Variants in STXBP5 observed in about 807,000 individuals in gnomAD.
The protein encoded by STXBP5 is syntaxin binding protein 5.
In STXBP5, 50 loss-of-function variants were observed where a neutral mutation model predicts 152.4. That is an observed-to-expected ratio of 0.33 (90% confidence interval 0.26 to 0.42). The LOEUF (loss-of-function observed/expected upper bound fraction) is 0.42. Ranked by LOEUF, STXBP5 falls within the 10% of genes least tolerant of loss-of-function variation. The pLI is 1.00. For synonymous variants in STXBP5, 492 were observed against 494.7 expected (o/e 0.99, Z 0.07); for missense variants, 1,167 against 1,388.6 (o/e 0.84, Z 2.54).
intron 25 of STXBP5, among the ~76,000 whole-genome samples, chr6:147,369,770 A>C (rs1785458086): frequency 1.3e-5 from 2 of 152,114 alleles, no homozygotes; most frequent in African/African-American, 4.8e-5. Flanking sequence ...GAAATTAAAA[A>C]GAATACCATG....
intron 21 of STXBP5, among the ~76,000 whole-genome samples, chr6:147,349,643 C>G (rs1784501907): frequency 6.6e-6 from 1 of 152,158 alleles, no homozygotes; most frequent in Non-Finnish European, 1.5e-5. Flanking sequence ...ATCCCATGTA[C>G]TCCAGTTGAC....
At chr6:147,210,545 G>C (rs942814880) in intron 2 of STXBP5, among the ~76,000 whole-genome samples, 5 of 152,122 alleles carry the variant, frequency 3.3e-5, no homozygotes, top group African/African-American at 4.8e-5. Context: ...CTGTGGGTTT[G>C]TCCAGCACAT....
chr6:147,204,673 G>T lies in STXBP5; in HGVS notation c.141G>T (p.Gln47His). 6.3e-7 allele frequency: 1 copy of T among 1,595,940 alleles called. No homozygotes were observed. Among genetic ancestry groups the T allele is most frequent in the African/African-American group, 1.4e-5 (1 of 74,016 alleles). Residue 47 changes from glutamine to histidine, a missense_variant, in exon 1 of 28, where the codon CAG (glutamine) becomes CAT (histidine). Gln to His is a conservative substitution (Grantham distance 24, BLOSUM62 0). Around this residue, in one of 3 missense-constraint regions of STXBP5, gnomAD observed 310 missense variants for 346.1 expected, o/e 0.90. Coordinates refer to ENST00000321680, the MANE Select transcript of STXBP5 (RefSeq NM_001127715.4). The surrounding 1 kb of genome is among the most constrained non-coding windows in gnomAD (Gnocchi z 4.3). Reference protein sequence around the residue: ...IQETLQSEHFQLCKTVRHGFP... With the variant: ...IQETLQSEHFHLCKTVRHGFP... ...AAACGCTCCAGTCCGAGCACTTTCA[G>T]CTCTGCAAGGTGAACGGAGCGCGCA...
chr6:147,330,452 C>T (rs1369735975), intron 18 of STXBP5, among the ~76,000 whole-genome samples: 4 of 151,852 alleles, frequency 2.6e-5, no homozygotes, highest in Admixed American at 6.6e-5. Context: ...TGAGGCAGAC[C>T]AAGCAATAAT....
At chr6:147,340,445 G>A (rs1211609245) in intron 21 of STXBP5, among the ~76,000 whole-genome samples, 1 of 151,848 alleles carries the variant, frequency 6.6e-6, no homozygotes. Context: ...TATTTGTGGG[G>A]TTTTAGTGAC....
At position 147,339,225 on chromosome 6, in the gene STXBP5, T is replaced by C; in HGVS notation, c.2193T>C (p.Asn731=). The change falls in exon 20 of 28, where the codon AAT becomes AAC. Residue 731 remains asparagine (N), a synonymous_variant. Coordinates refer to ENST00000321680, the MANE Select transcript of STXBP5 (RefSeq NM_001127715.4). ...CAGATGATGAACAAAAAATGAATAATTTTATAGAAAAGGGTATAGTATCTT... is the reference window on the plus strand; with the variant it reads ...CAGATGATGAACAAAAAATGAATAACTTTATAGAAAAGGGTATAGTATCTT... The part of the protein sequence containing the change: ...HNSDDEQKMN[N]FIEKVKTKSR... 1.3e-6 allele frequency: 2 copies of C among 1,538,464 alleles called. No homozygotes were observed. The highest frequency in any genetic ancestry group is 1.8e-6 in the Non-Finnish European group (2 of 1,142,548).
chr6:147,347,019 A>T lies in STXBP5; in HGVS notation c.2255-6304A>T, dbSNP rs576547885. ...AGTATCAGAACCTAAGGAGGCAGAG[A>T]GTGGAATTCTGGGTTGCTGGCATGA... On this transcript the variant is annotated intron_variant, in intron 21 of 27. Transcript: ENST00000321680. Among the ~76,000 whole-genome samples the T allele has an allele frequency of 4.9e-4, 75 of 152,240 alleles. 1 individual carries two copies. In the South Asian group the frequency reaches 5.2e-3, roughly 11 times the overall value.
At chr6:147,311,103 A>G (rs1782353527) in intron 10 of STXBP5, among the ~76,000 whole-genome samples, 1 of 152,180 alleles carries the variant, frequency 6.6e-6, no homozygotes, top group Non-Finnish European at 1.5e-5. Context: ...CAAGAAAGAT[A>G]GTATTATAGT....
At chr6:147,220,274 G>T (rs1318276250) in intron 2 of STXBP5, among the ~76,000 whole-genome samples, 1 of 152,004 alleles carries the variant, frequency 6.6e-6, no homozygotes, top group Non-Finnish European at 1.5e-5. Context: ...ATTTTTTGAG[G>T]TATATTTTAT....
chr6:147,390,008 A>T lies in STXBP5; in HGVS notation c.*5253A>T, dbSNP rs1241138138. On this transcript the variant is annotated 3_prime_UTR_variant, in exon 28 of 28. Coordinates refer to ENST00000321680, the MANE Select transcript of STXBP5 (RefSeq NM_001127715.4). Reference sequence around the variant, plus strand: ...AGATTAAGTTTTTCTAACATTGTCCACTTCAGGGGCAAGCATGCTTGGTAT... The same window carrying T: ...AGATTAAGTTTTTCTAACATTGTCCTCTTCAGGGGCAAGCATGCTTGGTAT... The T allele has an allele frequency of 6.6e-6, 1 of 151,926 alleles. No homozygotes were observed. The highest frequency in any genetic ancestry group is 1.5e-5 in the Non-Finnish European group (1 of 67,906). The allele number at this position is 151,926 out of a possible 1,614,324, so 9.4% of individuals were successfully genotyped here.
intron 16 of STXBP5, among the ~76,000 whole-genome samples, chr6:147,324,461 C>A (rs1178013889): frequency 6.6e-6 from 1 of 151,728 alleles, no homozygotes; most frequent in African/African-American, 2.4e-5. Context: ...TTGGTAGAGA[C>A]AGAGTTTCAC....
intron 19 of STXBP5, among the ~76,000 whole-genome samples, chr6:147,337,214 C>CACACACACACAA (rs150169446): frequency 5.2e-4 from 76 of 147,386 alleles, no homozygotes; most frequent in African/African-American, 1.4e-3. Context: ...CACACACACA[C>CACACACACACAA]AAGAAGTCAT....
rs1331837580 is a variant in STXBP5 at position 147,386,174 on chromosome 6, TAAAGC to T, written c.*1422_*1426del. 1.3e-5 allele frequency: 2 copies of T among 151,974 alleles called. No individual in the cohort carries two copies. The highest frequency in any genetic ancestry group is 2.9e-5 in the Non-Finnish European group (2 of 67,912). 9.4% of individuals were successfully genotyped at this position (151,974 alleles called of 1,614,324 possible). Reference sequence around the variant, plus strand: ...ATCTGAGATTATTATTGATTGTTGTTAAAGCAACCCAGCAAAAGCAAAATGGAAGC... The same window carrying T: ...ATCTGAGATTATTATTGATTGTTGTTAACCCAGCAAAAGCAAAATGGAAGC... On this transcript the variant is annotated 3_prime_UTR_variant, in exon 28 of 28. Transcript: ENST00000321680.
intron 2 of STXBP5, among the ~76,000 whole-genome samples, chr6:147,213,477 T>TGTGTGTGTGTGCGTGCGCGCGCGCGCGC: frequency 7.6e-6 from 1 of 131,278 alleles, no homozygotes; most frequent in African/African-American, 3.2e-5. Context: ...TGTGTGTGTG[T>TGTGTGTGTGTGCGTGCGCGCGCGCGCGC]GCGCGCGCAT....
intron 22 of STXBP5, among the ~76,000 whole-genome samples, chr6:147,353,983 TAAAAG>T (rs1293797244): frequency 1.3e-5 from 2 of 152,164 alleles, no homozygotes; most frequent in African/African-American, 4.8e-5. Flanking sequence ...TCAAAAAAGA[TAAAAG>T]TAAGATTTCA....
At chr6:147,262,194 T>C in intron 5 of STXBP5, 96 bp from the exon 6 acceptor site, 4 of 737,918 alleles carry the variant, frequency 5.4e-6, no homozygotes, top group South Asian at 3.8e-5. Flanking sequence ...TTTATAAATA[T>C]AACTTATTTT....
rs1776691079 is a variant in STXBP5, at chr6:147,208,623, C to T, written c.248+2555C>T. On this transcript the variant is annotated intron_variant, in intron 2 of 27. Coordinates refer to ENST00000321680, the MANE Select transcript of STXBP5 (RefSeq NM_001127715.4). ...GTTATCCTAAAAGATATCATTAGAG[C>T]AGAAAATAGACTTCTAGATAAAGTA... Among the ~76,000 whole-genome samples, 2 of 152,042 alleles carry T rather than the reference C, an allele frequency of 1.3e-5. 1 individual carries two copies. Among genetic ancestry groups the T allele is most frequent in the Non-Finnish European group, 2.9e-5 (2 of 67,944 alleles).
At chr6:147,255,469 G>GTCTACT (rs1306013089) in intron 4 of STXBP5, among the ~76,000 whole-genome samples, 3 of 151,870 alleles carry the variant, frequency 2.0e-5, no homozygotes, top group Admixed American at 2.0e-4. Context: ...GGCAAGAAAG[G>GTCTACT]TCTACTTCAT....
At chr6:147,244,046 A>T (rs534098610) in intron 4 of STXBP5, among the ~76,000 whole-genome samples, 2 of 152,314 alleles carry the variant, frequency 1.3e-5, no homozygotes, top group South Asian at 2.1e-4. Context: ...AGCAGACTGA[A>T]AATATTTGGG....
Sources: gnomAD v4.1 joint callset for allele counts (sites outside exome capture counted in the v4.1 genomes callset) on GRCh38, gnomAD v4.1.1 for gene constraint, gnomAD v4.1.1 regional missense constraint, Gnocchi (gnomAD v3.1) non-coding constraint, MANE v1.5 for transcripts, NCBI Gene and HGNC (gene_info 2026-07-23, HGNC 2026-07-21) for gene names.